FAM184B: variants seen among roughly 807,000 people sequenced by gnomAD.
FAM184B encodes the protein protein FAM184B.
A neutral mutation model predicts 135.9 loss-of-function variants in FAM184B; 111 were observed. The observed-to-expected ratio is 0.82, with a 90% confidence interval of 0.70 to 0.96. The LOEUF (loss-of-function observed/expected upper bound fraction) is 0.96, where lower values mean the gene tolerates loss of function less well. Ranked by LOEUF, FAM184B falls within the 40% of genes least tolerant of loss-of-function variation. FAM184B has a pLI of 0.00. For synonymous variants in FAM184B, 552 were observed against 524.8 expected, an observed-to-expected ratio of 1.05 and a Z score of -0.71; for missense variants, 1,375 against 1,323.9, an observed-to-expected ratio of 1.04 and a Z score of -0.60.
chr4:17,761,613 G>A (rs1445407351), intron 1 of FAM184B, among the ~76,000 whole-genome samples: 2 of 152,130 alleles, frequency 1.3e-5, no homozygotes, highest in Admixed American at 1.3e-4. Context: ...TGCAACCTTT[G>A]CCTCCCAGGT....
intron 8 of FAM184B, among the ~76,000 whole-genome samples, chr4:17,661,919 C>T (rs567244329): frequency 6.6e-6 from 1 of 152,318 alleles, no homozygotes; most frequent in African/African-American, 2.4e-5. Context: ...GTGCACAGAT[C>T]TTAAGTGTAC....
chr4:17,634,894 T>TTC (rs1715074360), intron 16 of FAM184B, 115 bp downstream of exon 16: 6 of 665,706 alleles, frequency 9.0e-6, no homozygotes, highest in Non-Finnish European at 1.5e-5. Context: ...GTTTTTTTTT[T>TTC]CCAATGAATA....
Position 17,639,404 on chromosome 4 carries a change from G to C in FAM184B, c.2520-8C>G. ...TGAGTCTCCTCCAGGAACCTGTGGT[G>C]GATGAAAGCACAGCCAGGCTTGCCC... On this transcript the variant is annotated splice_region_variant and splice_polypyrimidine_tract_variant and intron_variant, in intron 13 of 17. Transcript: ENST00000265018. 1 of 1,551,348 alleles carries C rather than the reference G, an allele frequency of 6.4e-7. No homozygotes were observed. Among genetic ancestry groups the C allele is most frequent in the Non-Finnish European group, 8.7e-7 (1 of 1,146,950 alleles).
intron 1 of FAM184B, among the ~76,000 whole-genome samples, chr4:17,725,589 T>C (rs1308633467): frequency 1.3e-5 from 2 of 152,156 alleles, no homozygotes; most frequent in Non-Finnish European, 2.9e-5. Context: ...GGTGAGGGTC[T>C]GGGAAGTTGC....
chr4:17,681,939 G>A (rs1480148514), intron 7 of FAM184B, among the ~76,000 whole-genome samples: 4 of 152,188 alleles, frequency 2.6e-5, no homozygotes, highest in African/African-American at 4.8e-5. Flanking sequence ...CATCATAGCA[G>A]TCATTGTAAC....
chr4:17,726,546 A>G (rs1717642199), intron 1 of FAM184B, among the ~76,000 whole-genome samples: 3 of 151,770 alleles, frequency 2.0e-5, no homozygotes, highest in African/African-American at 7.3e-5. Context: ...TAATTTTTGT[A>G]TTTTTAGTAG....
At position 17,658,567 on chromosome 4, in the gene FAM184B, G is replaced by A. The variant is rs528189472; in HGVS notation, c.1825-5C>T. On this transcript the variant is annotated splice_polypyrimidine_tract_variant and splice_region_variant and intron_variant, in intron 9 of 17. Coordinates refer to ENST00000265018, the MANE Select transcript of FAM184B (RefSeq NM_015688.2). ...AGCCTGCTGCATCTGTGAGACCTGC[G>A]CACAAGGCATCCTGCCCTCAGTCTA... is the stretch of plus-strand genomic sequence containing the variant. 15 of 1,549,692 alleles carry A rather than the reference G, an allele frequency of 9.7e-6. No homozygotes were observed. Among genetic ancestry groups the A allele is most frequent in the East Asian group, 4.9e-5 (2 of 40,882 alleles).
intron 1 of FAM184B, among the ~76,000 whole-genome samples, chr4:17,738,320 C>T (rs891334127): frequency 7.2e-5 from 11 of 152,016 alleles, no homozygotes; most frequent in African/African-American, 2.7e-4. Context: ...AAGGGTGACC[C>T]TGCCAAGCAG....
intron 1 of FAM184B, among the ~76,000 whole-genome samples, chr4:17,713,339 TGTCCTTCC>T (rs1317425431): frequency 6.6e-6 from 1 of 152,210 alleles, no homozygotes; most frequent in Non-Finnish European, 1.5e-5. Context: ...GAAGTCCCCT[TGTCCTTCC>T]AGGAAGATCC....
chr4:17,770,445 TG>T (rs1718792812), intron 1 of FAM184B, among the ~76,000 whole-genome samples: 1 of 121,480 alleles, frequency 8.2e-6, no homozygotes, highest in African/African-American at 3.5e-5. Flanking sequence ...TAGTTGTTGT[TG>T]TTGTTGTTGT....
At chr4:17,649,583 CA>C (rs10564359) in intron 11 of FAM184B, among the ~76,000 whole-genome samples, 9,150 of 135,836 alleles carry the variant, frequency 0.067, 828 homozygotes, top group African/African-American at 0.24. Context: ...GACTCCATCT[CA>C]AAAAAAAAAA....
chr4:17,776,125 A>G (rs188442949), intron 1 of FAM184B, among the ~76,000 whole-genome samples: 9 of 152,328 alleles, frequency 5.9e-5, no homozygotes, highest in Admixed American at 5.9e-4. Context: ...AATATTTACT[A>G]CACTACCACA....
rs1281033168 is a variant in FAM184B, at chr4:17,631,207, G to C, written c.*1325C>G. The C allele has an allele frequency of 6.6e-6, 1 of 151,712 alleles. No homozygotes were observed. 9.4% of individuals were successfully genotyped at this position (151,712 alleles called of 1,614,324 possible). On this transcript the variant is annotated 3_prime_UTR_variant, in exon 18 of 18. Transcript: ENST00000265018. ...AAACCCAAAGACCAGAGGTTCAGGG[G>C]ATATATATATATATTTTTTTAATCT...
intron 3 of FAM184B, among the ~76,000 whole-genome samples, chr4:17,706,671 T>C (rs1045322469): frequency 6.6e-6 from 1 of 152,224 alleles, no homozygotes; most frequent in Admixed American, 6.5e-5. Context: ...ACATGAAAGA[T>C]TGGCAATACT....
At chr4:17,702,798 G>A (rs755527713) in intron 5 of FAM184B, among the ~76,000 whole-genome samples, 7 of 152,180 alleles carry the variant, frequency 4.6e-5, no homozygotes, top group African/African-American at 1.4e-4. Context: ...AGGTTACCAG[G>A]GCAACCTGTA....
intron 1 of FAM184B, among the ~76,000 whole-genome samples, chr4:17,737,054 A>G (rs1401588320): frequency 1.3e-5 from 2 of 152,076 alleles, no homozygotes; most frequent in African/African-American, 2.4e-5. Context: ...CTGAGGCAGG[A>G]GACTCACTTA....
At chr4:17,760,207 T>C (rs367650847) in intron 1 of FAM184B, among the ~76,000 whole-genome samples, 2 of 152,184 alleles carry the variant, frequency 1.3e-5, no homozygotes, top group East Asian at 1.9e-4. Flanking sequence ...GGCTCACGCC[T>C]GTAATCTCAG....
In FAM184B at chr4:17,632,379, A is replaced by G. The variant is rs568649165; in HGVS notation, c.*153T>C. ...CGTGAGCTGCTGTGCCTGGCAGAAC[A>G]GTATGAAGTGTTAACGCCAAAATTT... On this transcript the variant is annotated 3_prime_UTR_variant, in exon 18 of 18. Coordinates refer to ENST00000265018, the MANE Select transcript of FAM184B (RefSeq NM_015688.2). 14 of 558,600 alleles carry G rather than the reference A, an allele frequency of 2.5e-5. No homozygotes were observed. The highest frequency in any genetic ancestry group is 2.5e-4 in the South Asian group (11 of 44,872). 34.6% of individuals were successfully genotyped at this position (558,600 alleles called of 1,614,324 possible).
At chr4:17,748,377 T>G (rs997665036) in intron 1 of FAM184B, among the ~76,000 whole-genome samples, 1 of 152,052 alleles carries the variant, frequency 6.6e-6, no homozygotes, top group Non-Finnish European at 1.5e-5. Flanking sequence ...CATCCTCAGT[T>G]GATAGAGTTG....
Sources: gnomAD v4.1 joint callset for allele counts (sites outside exome capture counted in the v4.1 genomes callset) on GRCh38, gnomAD v4.1.1 for gene constraint, MANE v1.5 for transcripts, NCBI Gene and HGNC (gene_info 2026-07-23, HGNC 2026-07-21) for gene names.